The following SLCO3A1 variants were observed in gnomAD, a reference collection of about 807,000 sequenced individuals.
The protein encoded by SLCO3A1 is solute carrier organic anion transporter family member 3A1.
In SLCO3A1, 27 loss-of-function variants were observed where a neutral mutation model predicts 63.1. The ratio of observed to expected loss-of-function variants is 0.43; its 90% CI spans 0.32 to 0.59. The LOEUF is 0.59. Ranked by LOEUF, SLCO3A1 falls within the 20% of genes least tolerant of loss-of-function variation. SLCO3A1 has a pLI of 0.09. For synonymous variants in SLCO3A1, 473 were observed against 409.9 expected (o/e 1.15, Z -1.86); for missense variants, 773 against 945.8 (o/e 0.82, Z 2.40).
rs77093002 is a variant in SLCO3A1, at chr15:92,104,301, C to A, written c.768C>A (p.Asp256Glu). 6.2e-7 allele frequency: 1 copy of A among 1,614,142 alleles called. No homozygotes were observed. The highest frequency in any genetic ancestry group is 8.5e-7 in the Non-Finnish European group (1 of 1,180,030). The change falls in exon 4 of 10, where the codon GAC becomes GAA. Residue 256 changes from aspartate to glutamate, a missense_variant. Physicochemically the swap from Asp to Glu is conservative, Grantham distance 45. Transcript: ENST00000318445. ...IDTSNLDITP[D>E]DPRWIGAWWG... ...CAGGTAACCTGGACATCACTCCGGACGACCCCCGCTGGATCGGAGCCTGGT... is the reference window on the plus strand; with the variant it reads ...CAGGTAACCTGGACATCACTCCGGAAGACCCCCGCTGGATCGGAGCCTGGT...
At chr15:92,081,939 G>C (rs991109724) in intron 2 of SLCO3A1, among the ~76,000 whole-genome samples, 1 of 152,222 alleles carries the variant, frequency 6.6e-6, no homozygotes, top group African/African-American at 2.4e-5. Context: ...GAGGTCAACA[G>C]GTGCAGTAAT....
rs551622095 is a variant in SLCO3A1, at chr15:92,149,904, A to G, written c.1689-1046A>G. The G allele has an allele frequency of 2.0e-5, 3 of 152,282 alleles. No individual in the cohort carries two copies. In the South Asian group the frequency reaches 6.2e-4, roughly 32 times the overall value. 9.4% of individuals were successfully genotyped at this position (152,282 alleles called of 1,614,324 possible). Reference sequence around the variant, plus strand: ...TCTTTCAAGTCAGTGCTTTCAAATGAAAGTGCAAAAACCGGAGACATGGAG... The same window carrying G: ...TCTTTCAAGTCAGTGCTTTCAAATGGAAGTGCAAAAACCGGAGACATGGAG... On this transcript the variant is annotated intron_variant, in intron 8 of 9. Coordinates refer to ENST00000318445, the MANE Select transcript of SLCO3A1 (RefSeq NM_013272.4).
chr15:91,958,446 C>A (rs1249081504), intron 2 of SLCO3A1, among the ~76,000 whole-genome samples: 2 of 152,202 alleles, frequency 1.3e-5, no homozygotes, highest in Non-Finnish European at 2.9e-5. Flanking sequence ...CGTTTGAATG[C>A]CGCCTCTCCC....
chr15:91,927,221 C>T (rs1367037738), intron 2 of SLCO3A1, among the ~76,000 whole-genome samples: 5 of 152,158 alleles, frequency 3.3e-5, no homozygotes, highest in African/African-American at 1.2e-4. Flanking sequence ...TTCAGCCTAA[C>T]CGTGGGTGTT....
intron 2 of SLCO3A1, among the ~76,000 whole-genome samples, chr15:91,928,828 G>C (rs2151388865): frequency 6.6e-6 from 1 of 152,326 alleles, no homozygotes; most frequent in South Asian, 2.1e-4. Flanking sequence ...AGTGAGAGAA[G>C]CTCACTCACC....
intron 2 of SLCO3A1, among the ~76,000 whole-genome samples, chr15:92,092,764 T>C (rs2151535021): frequency 6.6e-6 from 1 of 152,300 alleles, no homozygotes; most frequent in East Asian, 1.9e-4. Context: ...TCTTTTCCAG[T>C]AACATCCCCT....
chr15:92,133,519 G>C lies in SLCO3A1; in HGVS notation c.1512+5030G>C, dbSNP rs2048021375. The stretch of plus-strand genomic sequence containing the variant: ...GAGCAAAGCTTTATCTGTATTTATA[G>C]CCGCTCCCCATCGCTCACATTACTG... On this transcript the variant is annotated intron_variant, in intron 7 of 9. Coordinates refer to ENST00000318445, the MANE Select transcript of SLCO3A1 (RefSeq NM_013272.4). Among the ~76,000 whole-genome samples the C allele has an allele frequency of 1.4e-5, 2 of 145,616 alleles. 1 individual carries two copies. Among genetic ancestry groups the C allele is most frequent in the Non-Finnish European group, 3.1e-5 (2 of 65,080 alleles).
At chr15:92,096,586 C>T (rs2047541897) in intron 3 of SLCO3A1, among the ~76,000 whole-genome samples, 1 of 152,192 alleles carries the variant, frequency 6.6e-6, no homozygotes, top group Non-Finnish European at 1.5e-5. Context: ...ATTCCAGCCT[C>T]TGCTTCTCAT....
At chr15:92,029,606 A>T (rs970191480) in intron 2 of SLCO3A1, among the ~76,000 whole-genome samples, 6 of 152,162 alleles carry the variant, frequency 3.9e-5, no homozygotes, top group African/African-American at 1.4e-4. Flanking sequence ...GAAAATAAGA[A>T]TCATTTTCCT....
intron 2 of SLCO3A1, among the ~76,000 whole-genome samples, chr15:92,092,835 A>C (rs1337750335): frequency 2.0e-5 from 3 of 152,140 alleles, no homozygotes; most frequent in African/African-American, 7.2e-5. Flanking sequence ...TAATGTGCTG[A>C]TCATGTGAAC....
chr15:92,077,911 T>C (rs1037386568), intron 2 of SLCO3A1, among the ~76,000 whole-genome samples: 5 of 152,194 alleles, frequency 3.3e-5, no homozygotes, highest in Non-Finnish European at 5.9e-5. Flanking sequence ...GGACCTGGGC[T>C]CCTACGCAGT....
At chr15:92,068,820 C>T (rs562758441) in intron 2 of SLCO3A1, among the ~76,000 whole-genome samples, 68 of 152,320 alleles carry the variant, frequency 4.5e-4, no homozygotes, top group Admixed American at 3.5e-3. Context: ...CCACCACTCA[C>T]GCAGGCTTTG....
At chr15:91,905,203 A>G (rs1898264393) in intron 1 of SLCO3A1, among the ~76,000 whole-genome samples, 1 of 152,170 alleles carries the variant, frequency 6.6e-6, no homozygotes. Flanking sequence ...GAAACAGTAG[A>G]ACTAGTTCCC....
chr15:92,045,347 A>G (rs1308627730), intron 2 of SLCO3A1, among the ~76,000 whole-genome samples: 1 of 152,174 alleles, frequency 6.6e-6, no homozygotes, highest in Non-Finnish European at 1.5e-5. Context: ...AAGGAACAGA[A>G]AAGCATACAC....
At chr15:92,139,675 A>G (rs2048103667) in intron 7 of SLCO3A1, among the ~76,000 whole-genome samples, 1 of 152,134 alleles carries the variant, frequency 6.6e-6, no homozygotes, top group Admixed American at 6.5e-5. Context: ...GTCTATTCCG[A>G]GATTCAACTT....
At position 92,151,075 on chromosome 15, in the gene SLCO3A1, C is replaced by T; in HGVS notation, c.1753+61C>T. 7 of 1,122,754 alleles carry T rather than the reference C, an allele frequency of 6.2e-6. No individual in the cohort carries two copies. The South Asian group carries it at 8.0e-5, about 13-fold the overall frequency. 69.5% of individuals were successfully genotyped at this position (1,122,754 alleles called of 1,614,324 possible). A position where few individuals can be genotyped will look rare whatever the true frequency, so the allele number is the denominator to read the frequency against. On this transcript the variant is annotated intron_variant, in intron 9 of 9. Transcript: ENST00000318445. Reference sequence around the variant, plus strand: ...TGGATGCTTATTACTAGGTGAGTAACTGTCAGTCAAATTATCCCATTTCCT... The same window carrying T: ...TGGATGCTTATTACTAGGTGAGTAATTGTCAGTCAAATTATCCCATTTCCT...
At chr15:91,921,747 T>G (rs1035765613) in intron 2 of SLCO3A1, among the ~76,000 whole-genome samples, 23 of 151,884 alleles carry the variant, frequency 1.5e-4, no homozygotes, top group Non-Finnish European at 3.1e-4. Flanking sequence ...TATTCTTTTT[T>G]GACATGAAGT....
intron 2 of SLCO3A1, among the ~76,000 whole-genome samples, chr15:92,029,478 G>A (rs1291071732): frequency 6.6e-6 from 1 of 152,192 alleles, no homozygotes; most frequent in Non-Finnish European, 1.5e-5. Context: ...CTACTTAAAC[G>A]TAGTCAGTGC....
intron 2 of SLCO3A1, among the ~76,000 whole-genome samples, chr15:92,005,351 T>C (rs2046300739): frequency 6.6e-6 from 1 of 152,184 alleles, no homozygotes; most frequent in African/African-American, 2.4e-5. Flanking sequence ...GTGATGGCCA[T>C]AGTGTGCCGA....
Sources: gnomAD v4.1 joint callset for allele counts (sites outside exome capture counted in the v4.1 genomes callset) on GRCh38, gnomAD v4.1.1 for gene constraint, MANE v1.5 for transcripts, NCBI Gene and HGNC (gene_info 2026-07-23, HGNC 2026-07-21) for gene names.